KLKB1: variants seen among roughly 807,000 people sequenced by gnomAD.
KLKB1 encodes the protein plasma kallikrein.
KLKB1 carries 58 observed loss-of-function variants against 73.6 expected under a neutral mutation model. The observed-to-expected ratio is 0.79, with a 90% confidence interval of 0.64 to 0.98. KLKB1 has a LOEUF of 0.98. KLKB1 is among the 50% of genes least tolerant of loss of function. KLKB1 has a pLI of 0.00. For missense variants in KLKB1, 737 were observed against 763.8 expected (o/e 0.96, Z 0.41); for synonymous variants, 280 against 258.1 (o/e 1.08, Z -0.81).
chr4:186,232,202 A>C lies in KLKB1; in HGVS notation c.134A>C (p.Gln45Pro). 1.2e-6 allele frequency: 2 copies of C among 1,614,020 alleles called. No individual in the cohort carries two copies. The highest frequency in any genetic ancestry group is 1.7e-6 in the Non-Finnish European group (2 of 1,179,854). The change falls in exon 3 of 15, where the codon CAA becomes CCA. Residue 45 changes from glutamine (Q) to proline (P), a missense_variant. By Grantham distance (76) the Gln-to-Pro change is moderately conservative (BLOSUM62 -1). Transcript: ENST00000264690. ...DVASMYTPNA[Q>P]YCQMRCTFHP... ...GCTTCCATGTACACCCCAAATGCCC[A>C]ATACTGCCAGATGAGGTGCACATTC... is the stretch of plus-strand genomic sequence containing the variant.
chr4:186,238,505 G>C, intron 6 of KLKB1, 140 bp downstream of exon 6: 1 of 704,040 alleles, frequency 1.4e-6, no homozygotes, highest in South Asian at 1.5e-5. Flanking sequence ...ATGCAGTTAC[G>C]GGCTTCGAGA....
chr4:186,210,939 C>G (rs1736700096), intron 2 of KLKB1: 1 of 282,528 alleles, frequency 3.5e-6, no homozygotes, highest in Non-Finnish European at 6.7e-6. Flanking sequence ...CAGGTTCAAG[C>G]AATTCTTCTG....
At chr4:186,245,987 A>T (rs1177119469) in intron 6 of KLKB1, among the ~76,000 whole-genome samples, 1 of 151,890 alleles carries the variant, frequency 6.6e-6, no homozygotes, top group Non-Finnish European at 1.5e-5. Flanking sequence ...AAAAGAGCCT[A>T]AACGCTAACT....
Position 186,243,923 on chromosome 4 carries a change from G to A in KLKB1, c.598+5558G>A, listed in dbSNP as rs4253367. ...CCATCAATAAACCAAGTGTGATCAGGGTAAGGAACAGGAAAGAAGGAAATA... is the reference window on the plus strand; with the variant it reads ...CCATCAATAAACCAAGTGTGATCAGAGTAAGGAACAGGAAAGAAGGAAATA... On this transcript the variant is annotated intron_variant, in intron 6 of 14. Transcript: ENST00000264690. 9.3e-3 allele frequency among the ~76,000 whole-genome samples: 1,423 copies of A among 152,238 alleles called. 19 individuals are homozygous for A. The highest frequency in any genetic ancestry group is 0.032 in the African/African-American group (1,350 of 41,548).
chr4:186,247,054 A>G (rs1400426824), intron 6 of KLKB1, among the ~76,000 whole-genome samples: 2 of 152,192 alleles, frequency 1.3e-5, no homozygotes, highest in East Asian at 3.9e-4. Context: ...ATAAGAGAGT[A>G]AAAAGAGGCT....
intron 6 of KLKB1, among the ~76,000 whole-genome samples, chr4:186,246,729 G>C (rs1033527566): frequency 6.6e-5 from 10 of 152,016 alleles, no homozygotes; most frequent in Non-Finnish European, 1.0e-4. Flanking sequence ...AGAAGGGGTG[G>C]GGGGGTGCTT....
intron 2 of KLKB1, among the ~76,000 whole-genome samples, 191 bp downstream of exon 2, chr4:186,228,444 T>C (rs1226658575): frequency 1.3e-5 from 2 of 152,218 alleles, no homozygotes; most frequent in Non-Finnish European, 2.9e-5. Context: ...TGTAGACATA[T>C]GTTGCAGACC....
chr4:186,248,917 T>A (rs1738526332), intron 6 of KLKB1, among the ~76,000 whole-genome samples: 2 of 152,234 alleles, frequency 1.3e-5, no homozygotes, highest in Admixed American at 1.3e-4. Flanking sequence ...ATTTCCCTAA[T>A]GACTAACAAT....
intron 6 of KLKB1, among the ~76,000 whole-genome samples, chr4:186,245,268 TGTATTAATTAA>T (rs940926835): frequency 6.6e-5 from 10 of 152,146 alleles, no homozygotes; most frequent in Admixed American, 4.6e-4. Flanking sequence ...GGGTAGCCTC[TGTATTAATTAA>T]GAAGGGGATG....
intron 6 of KLKB1, among the ~76,000 whole-genome samples, chr4:186,242,743 G>T (rs1237521484): frequency 6.6e-6 from 1 of 152,088 alleles, no homozygotes; most frequent in African/African-American, 2.4e-5. Context: ...GAGTTTTTGG[G>T]CTCTATCCTT....
intron 6 of KLKB1, among the ~76,000 whole-genome samples, chr4:186,246,429 G>T (rs560706955): frequency 1.3e-5 from 2 of 152,182 alleles, no homozygotes; most frequent in Non-Finnish European, 2.9e-5. Flanking sequence ...TGGACGTCAG[G>T]CACCTCAGAC....
chr4:186,238,056 T>G (rs1440555322), intron 5 of KLKB1, among the ~76,000 whole-genome samples, 200 bp from the exon 6 acceptor site: 1 of 152,170 alleles, frequency 6.6e-6, no homozygotes, highest in Non-Finnish European at 1.5e-5. Context: ...CGGAGTCTCC[T>G]GCCTCATTCT....
chr4:186,250,424 C>T, intron 7 of KLKB1, 22 bp downstream of exon 7: 1 of 1,612,398 alleles, frequency 6.2e-7, no homozygotes, highest in South Asian at 1.1e-5. Flanking sequence ...TGGAAAATCG[C>T]ATCACAAAGG....
chr4:186,232,991 T>C (rs1369593967), intron 3 of KLKB1, among the ~76,000 whole-genome samples: 1 of 152,176 alleles, frequency 6.6e-6, no homozygotes. Context: ...CTCGGCTCAC[T>C]GCAACTTCCA....
At chr4:186,251,918 T>C in intron 10 of KLKB1, 57 bp downstream of exon 10, 1 of 1,602,972 alleles carries the variant, frequency 6.2e-7, no homozygotes, top group Non-Finnish European at 8.5e-7. Flanking sequence ...GTTGATAGTT[T>C]GCTTAGTCTT....
Position 186,251,743 on chromosome 4 carries a change from A to T in KLKB1, c.1032-6A>T. 2 of 1,610,272 alleles carry T rather than the reference A, an allele frequency of 1.2e-6. No individual in the cohort carries two copies. Among genetic ancestry groups the T allele is most frequent in the Non-Finnish European group, 1.7e-6 (2 of 1,176,490 alleles). On this transcript the variant is annotated splice_region_variant and splice_polypyrimidine_tract_variant and intron_variant, in intron 9 of 14. Transcript: ENST00000264690. ...GCTTACTCTTTCTACTGTTCATTTC[A>T]TCTAGGTGTAAGTGTTTCTTAAGAT...
chr4:186,231,154 C>T (rs1579994689), intron 2 of KLKB1, among the ~76,000 whole-genome samples: 1 of 152,064 alleles, frequency 6.6e-6, no homozygotes, highest in Non-Finnish European at 1.5e-5. Context: ...GCTGCCCACT[C>T]CCTCAAAGGC....
intron 4 of KLKB1, among the ~76,000 whole-genome samples, chr4:186,235,521 T>G (rs1269964631): frequency 6.6e-6 from 1 of 152,174 alleles, no homozygotes; most frequent in Non-Finnish European, 1.5e-5. Flanking sequence ...GGAAAGAGAC[T>G]TCGTTTCCAC....
chr4:186,230,796 G>A (rs948540514), intron 2 of KLKB1, among the ~76,000 whole-genome samples: 3 of 152,172 alleles, frequency 2.0e-5, no homozygotes, highest in Non-Finnish European at 4.4e-5. Context: ...TGGAAGAGGA[G>A]TGACTGCTTG....
Sources: gnomAD v4.1 joint callset for allele counts (sites outside exome capture counted in the v4.1 genomes callset) on GRCh38, gnomAD v4.1.1 for gene constraint, MANE v1.5 for transcripts, NCBI Gene and HGNC (gene_info 2026-07-23, HGNC 2026-07-21) for gene names.